The following CAPZA2 variants were observed in gnomAD, a reference collection of about 807,000 sequenced individuals.
The protein encoded by CAPZA2 is F-actin-capping protein subunit alpha-2.
In CAPZA2, 13 loss-of-function variants were observed where a neutral mutation model predicts 44.0. The ratio of observed to expected loss-of-function variants is 0.30; its 90% confidence interval spans 0.19 to 0.47. The LOEUF (loss-of-function observed/expected upper bound fraction) is 0.47, where lower values mean the gene tolerates loss of function less well. Ranked by LOEUF, CAPZA2 falls within the 20% of genes least tolerant of loss-of-function variation. CAPZA2 has a pLI of 1.00. For missense variants in CAPZA2, 244 were observed against 338.6 expected (o/e 0.72, Z 2.19); for synonymous variants, 94 against 108.2 (o/e 0.87, Z 0.81).
intron 2 of CAPZA2, among the ~76,000 whole-genome samples, chr7:116,891,747 G>A (rs998858325): frequency 3.3e-5 from 5 of 152,216 alleles, no homozygotes; most frequent in South Asian, 4.1e-4. Flanking sequence ...TCCTGACCTC[G>A]TGATCCACCC....
chr7:116,864,059 C>G (rs1369470274), intron 1 of CAPZA2, among the ~76,000 whole-genome samples: 1 of 152,110 alleles, frequency 6.6e-6, no homozygotes, highest in Non-Finnish European at 1.5e-5. Flanking sequence ...CCCGTATCCA[C>G]AAAAGTTGCT....
In CAPZA2 at chr7:116,920,154, AG is replaced by A. The variant is rs1791748308; in HGVS notation, c.*2288del. The A allele has an allele frequency of 6.6e-6, 1 of 150,918 alleles. No homozygotes were observed. The highest frequency in any genetic ancestry group is 6.6e-5 in the Admixed American group (1 of 15,202). 9.3% of individuals were successfully genotyped at this position (150,918 alleles called of 1,614,324 possible). ...CAACTACTCAGGAGGCTGAGACAGG[AG>A]AATCATTTGAACCCGGGAGGTGGAG... is the stretch of plus-strand genomic sequence containing the variant. On this transcript the variant is annotated 3_prime_UTR_variant, in exon 10 of 10. Transcript: ENST00000361183.
intron 5 of CAPZA2, 58 bp downstream of exon 5, chr7:116,904,441 T>A (rs1222496712): frequency 9.9e-7 from 1 of 1,007,632 alleles, no homozygotes; most frequent in Non-Finnish European, 1.5e-6. Context: ...GTCTTTAGCG[T>A]CTCTTAAAAT....
chr7:116,877,301 A>G (rs538356878), intron 1 of CAPZA2, among the ~76,000 whole-genome samples: 94 of 152,316 alleles, frequency 6.2e-4, no homozygotes, highest in African/African-American at 2.2e-3. Flanking sequence ...TCCTTTCTGT[A>G]TGACCTTTTC....
intron 3 of CAPZA2, among the ~76,000 whole-genome samples, chr7:116,894,277 G>A (rs1404381539): frequency 1.3e-5 from 2 of 151,250 alleles, no homozygotes; most frequent in Non-Finnish European, 2.9e-5. Context: ...CAGGAGAATC[G>A]CTTGAACCCA....
chr7:116,890,606 A>C (rs1796831656), intron 2 of CAPZA2, among the ~76,000 whole-genome samples: 2 of 65,310 alleles, frequency 3.1e-5, no homozygotes, highest in Admixed American at 2.1e-4. Context: ...ATACACACAC[A>C]CACACACATA....
intron 8 of CAPZA2, among the ~76,000 whole-genome samples, chr7:116,912,767 A>G (rs1271683037): frequency 2.0e-5 from 3 of 152,300 alleles, no homozygotes; most frequent in African/African-American, 7.2e-5. Flanking sequence ...GCTGCTGTGA[A>G]CATTTGTGTA....
In CAPZA2 at chr7:116,918,018, C is replaced by A; in HGVS notation, c.*151C>A. 1 of 577,020 alleles carries A rather than the reference C, an allele frequency of 1.7e-6. No individual in the cohort carries two copies. The allele number at this position is 577,020 out of a possible 1,614,324, so 35.7% of individuals were successfully genotyped here. A position where few individuals can be genotyped will look rare whatever the true frequency, so the allele number is the denominator to read the frequency against. ...AGTTTGATTAGAGCACAAAGCTTAG[C>A]TAATCAACCATTATTTTTCATTTTG... On this transcript the variant is annotated 3_prime_UTR_variant, in exon 10 of 10. Coordinates refer to ENST00000361183, the MANE Select transcript of CAPZA2 (RefSeq NM_006136.3).
intron 1 of CAPZA2, among the ~76,000 whole-genome samples, chr7:116,871,568 G>T (rs1796554686): frequency 6.6e-6 from 1 of 152,182 alleles, no homozygotes; most frequent in African/African-American, 2.4e-5. Context: ...GGAGTGGAGA[G>T]ACATAAGCCA....
intron 2 of CAPZA2, among the ~76,000 whole-genome samples, chr7:116,892,059 A>G (rs181366271): frequency 1.3e-5 from 2 of 152,318 alleles, no homozygotes; most frequent in Non-Finnish European, 2.9e-5. Context: ...ATATGATAAT[A>G]TACATACTAA....
chr7:116,903,977 C>T lies in CAPZA2; in HGVS notation c.220-200C>T, dbSNP rs535780548. 7.9e-5 allele frequency among the ~76,000 whole-genome samples: 12 copies of T among 152,230 alleles called. No individual in the cohort carries two copies. In the East Asian group the frequency reaches 2.3e-3, roughly 29 times the overall value. The stretch of plus-strand genomic sequence containing the variant: ...TTATATTGGGAGAAAATCTGATCTG[C>T]ACTGGATGAGAGTAATGTCATTGTC... On this transcript the variant is annotated intron_variant, in intron 4 of 9. Transcript: ENST00000361183.
chr7:116,908,286 T>C (rs745759108), intron 6 of CAPZA2, among the ~76,000 whole-genome samples: 10 of 151,924 alleles, frequency 6.6e-5, no homozygotes, highest in Non-Finnish European at 1.0e-4. Flanking sequence ...AGAAATATAC[T>C]TCAGTTCATC....
chr7:116,877,227 A>G (rs1796634018), intron 1 of CAPZA2, among the ~76,000 whole-genome samples: 1 of 152,228 alleles, frequency 6.6e-6, no homozygotes, highest in Non-Finnish European at 1.5e-5. Flanking sequence ...GGTATTTGCT[A>G]ATGATTGCTG....
chr7:116,915,300 C>G (rs1386221638), intron 8 of CAPZA2, among the ~76,000 whole-genome samples: 1 of 149,524 alleles, frequency 6.7e-6, no homozygotes, highest in Admixed American at 6.6e-5. Context: ...GAGACCCTGT[C>G]TCAAAAAAAA....
intron 4 of CAPZA2, among the ~76,000 whole-genome samples, chr7:116,901,319 T>A (rs933858160): frequency 6.6e-6 from 1 of 152,172 alleles, no homozygotes; most frequent in Non-Finnish European, 1.5e-5. Flanking sequence ...TAGAATACTA[T>A]GCAGCCGTGA....
chr7:116,881,738 CAAAAAAAAAA>C (rs71148338), intron 1 of CAPZA2, among the ~76,000 whole-genome samples: 2 of 47,784 alleles, frequency 4.2e-5, no homozygotes, highest in African/African-American at 7.5e-5. Flanking sequence ...GACTCTGTCT[CAAAAAAAAAA>C]AAAAAAAAAA....
At chr7:116,906,131 A>G in intron 5 of CAPZA2, 132 bp from the exon 6 acceptor site, 2 of 1,348,482 alleles carry the variant, frequency 1.5e-6, no homozygotes, top group South Asian at 3.2e-5. Context: ...ACTATATTGG[A>G]ATGATGGCCT....
chr7:116,866,186 C>CTT (rs545644928), intron 1 of CAPZA2, among the ~76,000 whole-genome samples: 18 of 141,198 alleles, frequency 1.3e-4, no homozygotes, highest in South Asian at 2.3e-4. Context: ...GTCCCATAGA[C>CTT]TTTTTTTTTT....
At position 116,904,361 on chromosome 7, in the gene CAPZA2, A is replaced by G. The variant is rs1420086478; in HGVS notation, c.404A>G (p.His135Arg). Reference sequence around the variant, plus strand: ...GCTCTGAGAGCTTACGTAAAAGAACATTACCCGAATGGAGTCTGCACTGTA... The same window carrying G: ...GCTCTGAGAGCTTACGTAAAAGAACGTTACCCGAATGGAGTCTGCACTGTA... ...ETALRAYVKE[H>R]YPNGVCTVYG... Residue 135 changes from histidine to arginine, a missense_variant, in exon 5 of 10, where the codon CAT becomes CGT. Physicochemically the swap from His to Arg is conservative, Grantham distance 29. Coordinates refer to ENST00000361183, the MANE Select transcript of CAPZA2 (RefSeq NM_006136.3). The G allele has an allele frequency of 6.2e-7, 1 of 1,612,108 alleles. No homozygotes were observed. Among genetic ancestry groups the G allele is most frequent in the African/African-American group, 1.3e-5 (1 of 74,902 alleles).
Sources: allele counts gnomAD v4.1 joint callset (sites outside exome capture counted in the v4.1 genomes callset), GRCh38; gene constraint gnomAD v4.1.1; transcripts MANE v1.5; gene names NCBI Gene and HGNC (gene_info 2026-07-23, HGNC 2026-07-21).